Variants in KIRREL1 observed in about 807,000 individuals in gnomAD.
KIRREL1 encodes the protein kin of IRRE-like protein 1.
Under a neutral mutation model 83.3 loss-of-function variants are expected in KIRREL1, and 25 were observed. That is an observed-to-expected ratio of 0.30 (90% CI 0.22 to 0.42). The LOEUF (loss-of-function observed/expected upper bound fraction) is 0.42, where lower values mean the gene tolerates loss of function less well. Among genes scored for constraint, KIRREL1 ranks in the 10% least tolerant of loss-of-function variants. The pLI, the probability that KIRREL1 is intolerant of heterozygous loss-of-function variation, is 1.00. For synonymous variants in KIRREL1, 388 were observed against 410.4 expected, an observed-to-expected ratio of 0.95 and a Z score of 0.66; for missense variants, 812 against 1,032.3, an observed-to-expected ratio of 0.79 and a Z score of 2.92.
intron 1 of KIRREL1, among the ~76,000 whole-genome samples, chr1:158,027,635 T>C (rs1181164333): frequency 6.6e-6 from 1 of 152,252 alleles, no homozygotes; most frequent in African/African-American, 2.4e-5. Context: ...CCAAGGACTT[T>C]AGGAGTATAT....
Position 158,096,599 on chromosome 1 carries a change from G to C in KIRREL1, c.*1479G>C, listed in dbSNP as rs989806070. ...AGAGAACTTGTGCTGACCGGGAGAA[G>C]GTGGTGCGGAAGGGCACCGCAGGCA... On this transcript the variant is annotated 3_prime_UTR_variant, in exon 15 of 15. Coordinates refer to ENST00000359209, the MANE Select transcript of KIRREL1 (RefSeq NM_018240.7). 1.1e-5 allele frequency: 5 copies of C among 456,846 alleles called. No homozygotes were observed. Among genetic ancestry groups the C allele is most frequent in the African/African-American group, 1.0e-4 (5 of 50,046 alleles). The allele number at this position is 456,846 out of a possible 1,614,324, so 28.3% of individuals were successfully genotyped here. A position where few individuals can be genotyped will look rare whatever the true frequency, so the allele number is the denominator to read the frequency against.
chr1:158,084,276 A>G lies in KIRREL1; in HGVS notation c.353-146A>G, dbSNP rs1370485219. Reference sequence around the variant, plus strand: ...AAGCCACCACAAGAGCAATGAAGACAGTGGTTGTAGATTAGGGGGTAGGGT... The same window carrying G: ...AAGCCACCACAAGAGCAATGAAGACGGTGGTTGTAGATTAGGGGGTAGGGT... On this transcript the variant is annotated intron_variant, in intron 3 of 14. Transcript: ENST00000359209. 7.5e-6 allele frequency: 5 copies of G among 665,294 alleles called. No individual in the cohort carries two copies. In the East Asian group the frequency reaches 1.2e-4, roughly 16 times the overall value. 41.2% of individuals were successfully genotyped at this position (665,294 alleles called of 1,614,324 possible).
intron 1 of KIRREL1, among the ~76,000 whole-genome samples, chr1:158,069,164 C>T (rs1459864338): frequency 3.9e-5 from 6 of 151,984 alleles, no homozygotes; most frequent in South Asian, 2.1e-4. Context: ...TGCAGAGACA[C>T]GGAAGCAGAC....
At chr1:158,029,649 GA>G (rs1255709589) in intron 1 of KIRREL1, among the ~76,000 whole-genome samples, 1 of 151,310 alleles carries the variant, frequency 6.6e-6, no homozygotes, top group African/African-American at 2.4e-5. Flanking sequence ...TGTAATATAG[GA>G]GAGAGAGAGA....
intron 1 of KIRREL1, among the ~76,000 whole-genome samples, chr1:158,065,469 G>C (rs944814436): frequency 8.5e-5 from 13 of 152,146 alleles, no homozygotes; most frequent in Non-Finnish European, 1.5e-5. Flanking sequence ...TTAGACTCCA[G>C]GAAAAATTTT....
chr1:158,078,333 G>A (rs11585076), intron 3 of KIRREL1, among the ~76,000 whole-genome samples, 193 bp downstream of exon 3: 26 of 152,280 alleles, frequency 1.7e-4, no homozygotes, highest in Admixed American at 4.6e-4. Flanking sequence ...GTGCTGGCGG[G>A]ACGTGAGCTG....
At chr1:158,031,342 T>C (rs11264877) in intron 1 of KIRREL1, among the ~76,000 whole-genome samples, 130,714 of 149,380 alleles carry the variant, frequency 0.88, 57,149 homozygotes, top group Middle Eastern at 0.94. Flanking sequence ...CACACGCGCG[T>C]GCACACACAC....
chr1:158,061,773 G>T (rs1198513254), intron 1 of KIRREL1, among the ~76,000 whole-genome samples: 1 of 152,154 alleles, frequency 6.6e-6, no homozygotes, highest in South Asian at 2.1e-4. Flanking sequence ...GCACAGTTCA[G>T]GGTGGCTGGT....
At chr1:157,994,496 G>A (rs1351026830) in intron 1 of KIRREL1, among the ~76,000 whole-genome samples, 1 of 152,044 alleles carries the variant, frequency 6.6e-6, no homozygotes, top group Non-Finnish European at 1.5e-5. Flanking sequence ...CACTGGCAGG[G>A]GAGAGGCTGG....
At position 158,034,039 on chromosome 1, in the gene KIRREL1, C is replaced by T. The variant is rs191187275; in HGVS notation, c.52+40311C>T. Among the ~76,000 whole-genome samples the T allele has an allele frequency of 2.9e-3, 441 of 151,610 alleles. 5 individuals carry two copies. Among genetic ancestry groups the T allele is most frequent in the African/African-American group, 0.01 (423 of 41,354 alleles). On this transcript the variant is annotated intron_variant, in intron 1 of 14. Coordinates refer to ENST00000359209, the MANE Select transcript of KIRREL1 (RefSeq NM_018240.7). ...CTGTAATCCCAGCACTTTGGGAGGC[C>T]GAGGCGGGCGGATCACGAGGTCAGG...
At position 158,094,737 on chromosome 1, in the gene KIRREL1, G is replaced by A. The variant is rs1187456596; in HGVS notation, c.1891G>A (p.Ala631Thr). Residue 631 changes from alanine (A) to threonine (T), a missense_variant, in exon 15 of 15, where the codon GCC becomes ACC. This residue lies in a region of KIRREL1 where 334 missense variants were observed against 383.7 expected (regional missense o/e 0.87). Transcript: ENST00000359209. This position sits in a 1 kb window ranked among gnomAD's most constrained non-coding sequence, Gnocchi z 4.6. ...LYADYRAPGP[A>T]RFDGRPSSRL... Reference sequence around the variant, plus strand: ...TGCTGACTACCGTGCCCCTGGCCCTGCCCGCTTCGACGGCCGCCCCTCATC... The same window carrying A: ...TGCTGACTACCGTGCCCCTGGCCCTACCCGCTTCGACGGCCGCCCCTCATC... 1.9e-6 allele frequency: 3 copies of A among 1,613,446 alleles called. No individual in the cohort carries two copies. Among genetic ancestry groups the A allele is most frequent in the African/African-American group, 1.3e-5 (1 of 74,882 alleles).
chr1:158,076,021 C>G, intron 1 of KIRREL1, 92 bp from the exon 2 acceptor site: 76 of 1,218,922 alleles, frequency 6.2e-5, no homozygotes, highest in Middle Eastern at 5.6e-4. Flanking sequence ...CAACTGGAGG[C>G]TCTCCCTCCT....
chr1:158,008,063 T>C (rs1338392193), intron 1 of KIRREL1, among the ~76,000 whole-genome samples: 1 of 152,186 alleles, frequency 6.6e-6, no homozygotes, highest in Non-Finnish European at 1.5e-5. Flanking sequence ...TATTATCTCT[T>C]AATTAATCAT....
chr1:158,079,714 GTTAGGAGACC>G (rs1661788526), intron 3 of KIRREL1, among the ~76,000 whole-genome samples: 1 of 152,226 alleles, frequency 6.6e-6, no homozygotes, highest in African/African-American at 2.4e-5. Flanking sequence ...ACTGCTGGTG[GTTAGGAGACC>G]TGGGCACTTT....
chr1:157,999,599 A>T (rs921991650), intron 1 of KIRREL1, among the ~76,000 whole-genome samples: 1 of 152,114 alleles, frequency 6.6e-6, no homozygotes, highest in African/African-American at 2.4e-5. Context: ...ATTTCTCTTC[A>T]TATGTCCAGA....
At chr1:158,065,111 G>T (rs776751968) in intron 1 of KIRREL1, among the ~76,000 whole-genome samples, 6 of 152,010 alleles carry the variant, frequency 3.9e-5, no homozygotes, top group Non-Finnish European at 7.4e-5. Context: ...TTGGTTTCAG[G>T]GTCAAGGAGA....
At chr1:158,090,854 G>T (rs1050634428) in intron 10 of KIRREL1, among the ~76,000 whole-genome samples, 1 of 152,200 alleles carries the variant, frequency 6.6e-6, no homozygotes, top group African/African-American at 2.4e-5. Context: ...GCCTGGTTCT[G>T]TCATTGTATA....
At chr1:158,058,210 C>T (rs1248900525) in intron 1 of KIRREL1, among the ~76,000 whole-genome samples, 1 of 152,170 alleles carries the variant, frequency 6.6e-6, no homozygotes, top group African/African-American at 2.4e-5. Flanking sequence ...CCACCACTGA[C>T]TCAAAGCTTT....
In KIRREL1 at chr1:158,038,159, G is replaced by T. The variant is rs1298851310; in HGVS notation, c.53-37954G>T. On this transcript the variant is annotated intron_variant, in intron 1 of 14. Coordinates refer to ENST00000359209, the MANE Select transcript of KIRREL1 (RefSeq NM_018240.7). ...CTTCCTGCTGGAGGAATAGAGGTCCGTGTGGTGACTCCATCCGTTCTCCTC... is the reference window on the plus strand; with the variant it reads ...CTTCCTGCTGGAGGAATAGAGGTCCTTGTGGTGACTCCATCCGTTCTCCTC... 2.0e-5 allele frequency among the ~76,000 whole-genome samples: 3 copies of T among 152,350 alleles called. No individual in the cohort carries two copies. In the South Asian group the frequency reaches 6.2e-4, roughly 32 times the overall value.
Sources: allele counts gnomAD v4.1 joint callset (sites outside exome capture counted in the v4.1 genomes callset), GRCh38; gene constraint gnomAD v4.1.1; regional missense constraint gnomAD v4.1.1; non-coding constraint Gnocchi (gnomAD v3.1); transcripts MANE v1.5; gene names NCBI Gene and HGNC (gene_info 2026-07-23, HGNC 2026-07-21).